The following ZNF516 variants were observed in gnomAD, a reference collection of about 807,000 sequenced individuals.
ZNF516 encodes zinc finger protein 516.
A neutral mutation model predicts 79.7 loss-of-function variants in ZNF516; 19 were observed. That is an observed-to-expected ratio of 0.24 (90% confidence interval 0.17 to 0.35). The LOEUF is 0.35. Among genes scored for constraint, ZNF516 ranks in the 10% least tolerant of loss-of-function variants. The pLI is 1.00. For synonymous variants in ZNF516, 877 were observed against 739.5 expected (o/e 1.19, Z -3.02); for missense variants, 1,678 against 1,679.5 (o/e 1.00, Z 0.02).
At position 76,441,592 on chromosome 18, in the gene ZNF516, G is replaced by A. The variant is rs891504348; in HGVS notation, c.1463C>T (p.Ala488Val). Residue 488 changes from alanine (A) to valine (V), a missense_variant, in exon 3 of 7, where the codon GCG becomes GTG. By Grantham distance (64) the Ala-to-Val change is moderately conservative. Coordinates refer to ENST00000443185, the MANE Select transcript of ZNF516 (RefSeq NM_014643.4). ...GCGGGGATCGAGGTGGCCGGCGGGCGCGGGGTCCCCAGGCCCGCTCGCGCG... is the reference window on the plus strand; with the variant it reads ...GCGGGGATCGAGGTGGCCGGCGGGCACGGGGTCCCCAGGCCCGCTCGCGCG... ...RKRASGPGDP[A>V]PAGHLDPRSA... 12 of 1,437,972 alleles carry A rather than the reference G, an allele frequency of 8.3e-6. No homozygotes were observed. Among genetic ancestry groups the A allele is most frequent in the South Asian group, 7.1e-5 (5 of 70,076 alleles). The allele number at this position is 1,437,972 out of a possible 1,614,324, so 89.1% of individuals were successfully genotyped here.
chr18:76,411,690 G>C (rs898385719), intron 3 of ZNF516, among the ~76,000 whole-genome samples: 2 of 152,180 alleles, frequency 1.3e-5, no homozygotes, highest in African/African-American at 4.8e-5. Context: ...ATTACCGCTT[G>C]ACTACGGAGA....
At chr18:76,421,260 A>G (rs1487551056) in intron 3 of ZNF516, among the ~76,000 whole-genome samples, 1 of 152,220 alleles carries the variant, frequency 6.6e-6, no homozygotes, top group African/African-American at 2.4e-5. Context: ...TGTGAAGTCA[A>G]GTTCAGAAGT....
At chr18:76,491,467 G>A (rs1915204710) in intron 1 of ZNF516, among the ~76,000 whole-genome samples, 1 of 142,652 alleles carries the variant, frequency 7.0e-6, no homozygotes, top group Non-Finnish European at 1.5e-5. Flanking sequence ...GTTATGGTGC[G>A]AAGTTGGGCT....
intron 1 of ZNF516, among the ~76,000 whole-genome samples, chr18:76,486,447 T>C (rs1251062185): frequency 1.3e-5 from 2 of 152,230 alleles, no homozygotes; most frequent in Non-Finnish European, 2.9e-5. Context: ...CTTCAAGTGT[T>C]AATAGCGCTG....
intron 6 of ZNF516, among the ~76,000 whole-genome samples, chr18:76,364,929 G>A (rs1279361441): frequency 5.9e-5 from 9 of 152,226 alleles, no homozygotes; most frequent in African/African-American, 2.2e-4. Flanking sequence ...ATTATATTTA[G>A]AGAAAATGGA....
intron 3 of ZNF516, among the ~76,000 whole-genome samples, chr18:76,391,404 A>C (rs2075072531): frequency 6.6e-6 from 1 of 152,090 alleles, no homozygotes; most frequent in Non-Finnish European, 1.5e-5. Flanking sequence ...CCCTAAACCT[A>C]ACCGCTAACC....
intron 3 of ZNF516, among the ~76,000 whole-genome samples, chr18:76,391,139 G>A (rs554836838): frequency 1.3e-4 from 20 of 152,214 alleles, no homozygotes; most frequent in South Asian, 4.1e-4. Flanking sequence ...GGAGGGCTGC[G>A]AGATTTCGAA....
chr18:76,440,026 G>A (rs866922175), intron 3 of ZNF516, among the ~76,000 whole-genome samples: 1 of 152,118 alleles, frequency 6.6e-6, no homozygotes, highest in African/African-American at 2.4e-5. Flanking sequence ...CTCCTCCCAC[G>A]GGGACCAATG....
In ZNF516 at chr18:76,380,122, T is replaced by C. The variant is rs753788146; in HGVS notation, c.1992A>G (p.Gln664=). ...AGTCCATAGAAAATCTGTGCTGCTC[T>C]TGCCTTCTAGAAGTCTCTCTGCTAC... The part of the protein sequence containing the change: ...ENSSRETSRR[Q]EQHRFSMDLK... Residue 664 remains glutamine, a synonymous_variant, in exon 4 of 7, where the codon CAA becomes CAG. Coordinates refer to ENST00000443185, the MANE Select transcript of ZNF516 (RefSeq NM_014643.4). 9.9e-6 allele frequency: 16 copies of C among 1,613,858 alleles called. No individual in the cohort carries two copies. In the East Asian group the frequency reaches 2.5e-4, roughly 25 times the overall value.
rs1260742499 is a variant in ZNF516 at position 76,361,001 on chromosome 18, TTAGGA to T, written c.*1492_*1496del. On this transcript the variant is annotated 3_prime_UTR_variant, in exon 7 of 7. Transcript: ENST00000443185. The stretch of plus-strand genomic sequence containing the variant: ...CTGTTGCTCTCGCCAGTATTAAAGG[TTAGGA>T]TAATTTCTGTACATGTAAAATTATT... 6.6e-6 allele frequency: 1 copy of T among 151,836 alleles called. No homozygotes were observed. The highest frequency in any genetic ancestry group is 1.5e-5 in the Non-Finnish European group (1 of 67,976). The allele number at this position is 151,836 out of a possible 1,614,324, so 9.4% of individuals were successfully genotyped here.
At position 76,467,274 on chromosome 18, in the gene ZNF516, T is replaced by C. The variant is rs4891022; in HGVS notation, c.-271-4133A>G. The stretch of plus-strand genomic sequence containing the variant: ...ACCTGCAGCTGACAGCCCCTCTGGG[T>C]TGGCAGGAAGTCCTGCGTGTCTCTC... On this transcript the variant is annotated intron_variant, in intron 1 of 6. Transcript: ENST00000443185. The surrounding 1 kb of genome is among the most constrained non-coding windows in gnomAD (Gnocchi z 4.2). 3.8e-3 allele frequency among the ~76,000 whole-genome samples: 7 copies of C among 1,842 alleles called. No individual in the cohort carries two copies. Among genetic ancestry groups the C allele is most frequent in the South Asian group, 0.071 (1 of 14 alleles). The allele number at this position is 1,842 out of a possible 152,430, so 1.2% of individuals were successfully genotyped here. A position where few individuals can be genotyped will look rare whatever the true frequency, so the allele number is the denominator to read the frequency against.
chr18:76,492,124 C>A, intron 1 of ZNF516: 1 of 980,596 alleles, frequency 1.0e-6, no homozygotes, highest in Non-Finnish European at 1.2e-6. Context: ...AGGTAGTGGG[C>A]ACGTGGGTCC....
chr18:76,485,676 G>A (rs1321782682), intron 1 of ZNF516, among the ~76,000 whole-genome samples: 10 of 152,080 alleles, frequency 6.6e-5, no homozygotes, highest in Admixed American at 6.6e-4. Flanking sequence ...ATAAATTCCT[G>A]CAACATGGCA....
At chr18:76,466,327 C>T (rs1385362209) in intron 1 of ZNF516, among the ~76,000 whole-genome samples, 2 of 152,162 alleles carry the variant, frequency 1.3e-5, no homozygotes, top group African/African-American at 4.8e-5. Flanking sequence ...ACTCCGTTCC[C>T]TTGGGAGTCT....
At chr18:76,399,546 TAGTC>T (rs2075190701) in intron 3 of ZNF516, among the ~76,000 whole-genome samples, 1 of 152,244 alleles carries the variant, frequency 6.6e-6, no homozygotes, top group Admixed American at 6.5e-5. Flanking sequence ...TAAAGTATGT[TAGTC>T]ATTTAGTAAC....
intron 3 of ZNF516, among the ~76,000 whole-genome samples, chr18:76,405,600 TCTG>T (rs925779776): frequency 2.6e-5 from 4 of 152,014 alleles, no homozygotes; most frequent in African/African-American, 9.7e-5. Flanking sequence ...GGCACCCGGT[TCTG>T]TTGTGTTCTC....
At chr18:76,491,635 C>A in intron 1 of ZNF516, 1 of 712,256 alleles carries the variant, frequency 1.4e-6, no homozygotes, top group Non-Finnish European at 1.7e-6. Flanking sequence ...GCCCACGGCC[C>A]TCCTCCTGGC....
intron 3 of ZNF516, among the ~76,000 whole-genome samples, chr18:76,413,300 C>G (rs1212066836): frequency 6.6e-6 from 1 of 152,176 alleles, no homozygotes; most frequent in South Asian, 2.1e-4. Context: ...TACTACATGA[C>G]TTTAAAATTA....
At position 76,371,387 on chromosome 18, in the gene ZNF516, C is replaced by T. The variant is rs2074701252; in HGVS notation, c.3364+80G>A. Reference sequence around the variant, plus strand: ...GGCTGAAATCTCAGTATCTCCCTCGCTGCGGATGGTCAAGCCACTGACAGA... The same window carrying T: ...GGCTGAAATCTCAGTATCTCCCTCGTTGCGGATGGTCAAGCCACTGACAGA... On this transcript the variant is annotated intron_variant, in intron 5 of 6. Coordinates refer to ENST00000443185, the MANE Select transcript of ZNF516 (RefSeq NM_014643.4). 2.9e-6 allele frequency: 4 copies of T among 1,376,730 alleles called. No individual in the cohort carries two copies. In the South Asian group the frequency reaches 5.3e-5, roughly 18 times the overall value. 85.3% of individuals were successfully genotyped at this position (1,376,730 alleles called of 1,614,324 possible).
Sources: allele counts gnomAD v4.1 joint callset (sites outside exome capture counted in the v4.1 genomes callset), GRCh38; gene constraint gnomAD v4.1.1; non-coding constraint Gnocchi (gnomAD v3.1); transcripts MANE v1.5; gene names NCBI Gene and HGNC (gene_info 2026-07-23, HGNC 2026-07-21).